Variants in C1orf21 observed in about 807,000 individuals in gnomAD.
The protein encoded by C1orf21 is uncharacterized protein C1orf21.
In C1orf21, 3 loss-of-function variants were observed where a neutral mutation model predicts 18.7. The ratio of observed to expected loss-of-function variants is 0.16; its 90% CI spans 0.07 to 0.42. The LOEUF is 0.42. Ranked by LOEUF, C1orf21 falls within the 10% of genes least tolerant of loss-of-function variation. The pLI is 0.99. For missense variants in C1orf21, 104 were observed against 143.6 expected (o/e 0.72, Z 1.41); for synonymous variants, 41 against 46.4 (o/e 0.88, Z 0.47).
intron 5 of C1orf21, among the ~76,000 whole-genome samples, chr1:184,604,279 G>A (rs115791100): frequency 5.2e-4 from 79 of 152,218 alleles, no homozygotes; most frequent in Admixed American, 1.1e-3. Flanking sequence ...GGACTGTCAC[G>A]TCAAAACCTA....
chr1:184,410,638 T>TA (rs1553248006), intron 1 of C1orf21, among the ~76,000 whole-genome samples: 2 of 4,166 alleles, frequency 4.8e-4, no homozygotes, highest in African/African-American at 5.6e-3. Context: ...TATATATATA[T>TA]ATATATATAT....
intron 5 of C1orf21, 80 bp downstream of exon 5, chr1:184,598,541 G>A (rs977432499): frequency 2.3e-6 from 3 of 1,302,180 alleles, no homozygotes; most frequent in African/African-American, 3.0e-5. Flanking sequence ...TAACATTCTT[G>A]TTTCTATGTC....
chr1:184,577,984 C>G (rs1659219347), intron 3 of C1orf21, among the ~76,000 whole-genome samples: 1 of 129,922 alleles, frequency 7.7e-6, no homozygotes, highest in Non-Finnish European at 1.6e-5. Context: ...GACAGAGTCT[C>G]ACACTGTCGC....
intron 1 of C1orf21, among the ~76,000 whole-genome samples, chr1:184,474,342 G>A (rs1336256686): frequency 1.3e-5 from 2 of 152,070 alleles, no homozygotes; most frequent in African/African-American, 4.8e-5. Context: ...TGTAAATCAT[G>A]TCTAATCTGC....
chr1:184,561,686 C>T (rs189956505), intron 3 of C1orf21, among the ~76,000 whole-genome samples: 8 of 152,176 alleles, frequency 5.3e-5, no homozygotes, highest in Admixed American at 1.3e-4. Context: ...GTGTGATCTT[C>T]GGCTCACTGC....
intron 1 of C1orf21, among the ~76,000 whole-genome samples, chr1:184,432,425 A>T (rs189198342): frequency 1.3e-5 from 2 of 152,328 alleles, no homozygotes; most frequent in African/African-American, 4.8e-5. Context: ...GGGAACAGAA[A>T]ACCAAACACT....
intron 2 of C1orf21, among the ~76,000 whole-genome samples, chr1:184,490,070 C>T (rs1657795303): frequency 6.6e-6 from 1 of 152,170 alleles, no homozygotes; most frequent in African/African-American, 2.4e-5. Flanking sequence ...TGGAAATAGC[C>T]CCAGGGCAAC....
chr1:184,464,882 C>A (rs1657364330), intron 1 of C1orf21, among the ~76,000 whole-genome samples: 1 of 152,178 alleles, frequency 6.6e-6, no homozygotes, highest in South Asian at 2.1e-4. Context: ...CTGGGGGACC[C>A]CTAGTAAGTT....
intron 2 of C1orf21, among the ~76,000 whole-genome samples, chr1:184,488,009 G>A (rs1163441046): frequency 6.6e-6 from 1 of 152,202 alleles, no homozygotes; most frequent in Non-Finnish European, 1.5e-5. Flanking sequence ...TTCTGAAAAT[G>A]GTTGCTTGGT....
chr1:184,553,031 A>T (rs1372965461), intron 3 of C1orf21, among the ~76,000 whole-genome samples: 3 of 151,898 alleles, frequency 2.0e-5, no homozygotes, highest in African/African-American at 7.3e-5. Context: ...CTCTTGGTCT[A>T]CTCCTGGTGG....
At position 184,623,367 on chromosome 1, in the gene C1orf21, A is replaced by G. The variant is rs1183656041; in HGVS notation, c.*3811A>G. 4 of 152,168 alleles carry G rather than the reference A, an allele frequency of 2.6e-5. No homozygotes were observed. Among genetic ancestry groups the G allele is most frequent in the South Asian group, 2.1e-4 (1 of 4,830 alleles). The allele number at this position is 152,168 out of a possible 1,614,324, so 9.4% of individuals were successfully genotyped here. Reference sequence around the variant, plus strand: ...TTCCTGCCTCCCCTAAAGAAAAAGGATATTAGATTGCACACTATAATTTTA... The same window carrying G: ...TTCCTGCCTCCCCTAAAGAAAAAGGGTATTAGATTGCACACTATAATTTTA... On this transcript the variant is annotated 3_prime_UTR_variant, in exon 6 of 6. Coordinates refer to ENST00000235307, the MANE Select transcript of C1orf21 (RefSeq NM_030806.4).
At chr1:184,438,929 G>C (rs2101974024) in intron 1 of C1orf21, among the ~76,000 whole-genome samples, 1 of 152,202 alleles carries the variant, frequency 6.6e-6, no homozygotes, top group South Asian at 2.1e-4. Flanking sequence ...AACTATTCTT[G>C]GCTGGGCGCA....
chr1:184,560,590 C>T (rs1658950840), intron 3 of C1orf21, among the ~76,000 whole-genome samples: 1 of 152,140 alleles, frequency 6.6e-6, no homozygotes, highest in South Asian at 2.1e-4. Flanking sequence ...CTGAAAGAAT[C>T]ATTGTTAGGT....
rs1236850638 is a variant in C1orf21 at position 184,460,617 on chromosome 1, GTCGTCTTCTTCTTCT to G, written c.-124-16766_-124-16752del. 9.8e-3 allele frequency among the ~76,000 whole-genome samples: 1,138 copies of G among 116,546 alleles called. 13 individuals carry two copies. Among genetic ancestry groups the G allele is most frequent in the Non-Finnish European group, 0.011 (614 of 54,980 alleles). 76.5% of individuals were successfully genotyped at this position (116,546 alleles called of 152,430 possible). A position where few individuals can be genotyped will look rare whatever the true frequency, so the allele number is the denominator to read the frequency against. On this transcript the variant is annotated intron_variant, in intron 1 of 5. Transcript: ENST00000235307. The stretch of plus-strand genomic sequence containing the variant: ...GAGTTGGGCTGTTAGTATTGTCGTC[GTCGTCTTCTTCTTCT>G]TCTTCTTCTTCTTCTTCTTCTTCTT...
intron 3 of C1orf21, among the ~76,000 whole-genome samples, chr1:184,581,149 G>T (rs1414255769): frequency 1.3e-5 from 2 of 152,104 alleles, no homozygotes; most frequent in African/African-American, 4.8e-5. Context: ...AATATTGGCT[G>T]GGCGAGGTGG....
At chr1:184,617,876 CTTCA>C (rs1659852640) in intron 5 of C1orf21, among the ~76,000 whole-genome samples, 1 of 148,958 alleles carries the variant, frequency 6.7e-6, no homozygotes, top group South Asian at 2.1e-4. Context: ...GGCCTGAAGA[CTTCA>C]TTGTGTGGCA....
intron 2 of C1orf21, among the ~76,000 whole-genome samples, chr1:184,494,692 A>T (rs1292655108): frequency 6.6e-6 from 1 of 152,206 alleles, no homozygotes; most frequent in Non-Finnish European, 1.5e-5. Flanking sequence ...TGCAGGAGGC[A>T]GAGTTTTTAT....
chr1:184,574,129 CAGG>C (rs1178691833), intron 3 of C1orf21, among the ~76,000 whole-genome samples: 1 of 152,144 alleles, frequency 6.6e-6, no homozygotes, highest in Non-Finnish European at 1.5e-5. Flanking sequence ...CGCTTGAACT[CAGG>C]AGGTGGAGAT....
At chr1:184,518,597 GAC>G (rs1245129300) in intron 3 of C1orf21, among the ~76,000 whole-genome samples, 3 of 152,112 alleles carry the variant, frequency 2.0e-5, no homozygotes, top group Non-Finnish European at 4.4e-5. Context: ...GCAACTACAT[GAC>G]TGCAATCCTG....
Sources: allele counts gnomAD v4.1 joint callset (sites outside exome capture counted in the v4.1 genomes callset), GRCh38; gene constraint gnomAD v4.1.1; transcripts MANE v1.5; gene names NCBI Gene and HGNC (gene_info 2026-07-23, HGNC 2026-07-21).